The following PHF20 variants were observed in gnomAD, a reference collection of about 807,000 sequenced individuals.
The protein encoded by PHF20 is PHD finger protein 20.
A neutral mutation model predicts 113.5 loss-of-function variants in PHF20; 23 were observed. That is an observed-to-expected ratio of 0.20 (90% CI 0.15 to 0.29). PHF20 has a LOEUF of 0.29. Among genes scored for constraint, PHF20 ranks in the 10% least tolerant of loss-of-function variants. The pLI, the probability that PHF20 is intolerant of heterozygous loss-of-function variation, is 1.00. For synonymous variants in PHF20, 434 were observed against 457.3 expected (o/e 0.95, Z 0.65); for missense variants, 943 against 1,219.6 (o/e 0.77, Z 3.38).
chr20:35,800,059 G>A (rs1034710942), intron 1 of PHF20: 1 of 152,068 alleles, frequency 6.6e-6, no homozygotes, highest in Non-Finnish European at 1.5e-5. Context: ...TTACTGTTTG[G>A]TTCTGATCAT....
At chr20:35,907,544 G>T (rs1022366340) in intron 10 of PHF20, among the ~76,000 whole-genome samples, 2 of 152,200 alleles carry the variant, frequency 1.3e-5, no homozygotes, top group Non-Finnish European at 2.9e-5. Flanking sequence ...AAAGAATATT[G>T]CAAGCAAGAT....
chr20:35,863,049 C>A lies in PHF20; in HGVS notation c.457C>A (p.His153Asn). Reference protein sequence around the residue: ...VGNARPKETDHKSLSSSPDKR... With the variant: ...VGNARPKETDNKSLSSSPDKR... ...TAATGCTAGGCCTAAAGAAACAGAT[C>A]ACAAAAGTCTTTCATCATCTCCTGA... is the stretch of plus-strand genomic sequence containing the variant. The change falls in exon 6 of 18, where the codon CAC (histidine) becomes AAC (asparagine). Residue 153 changes from histidine to asparagine, a missense_variant. Physicochemically the swap from His to Asn is moderately conservative, Grantham distance 68 (BLOSUM62 1). This residue lies in a region of PHF20 where 592 missense variants were observed against 787.2 expected (regional missense o/e 0.75). Transcript: ENST00000374012. 5.0e-6 allele frequency: 8 copies of A among 1,597,452 alleles called. No homozygotes were observed. Among genetic ancestry groups the A allele is most frequent in the Non-Finnish European group, 6.8e-6 (8 of 1,175,766 alleles).
chr20:35,776,322 A>G (rs1273025558), intron 1 of PHF20, among the ~76,000 whole-genome samples: 3 of 152,154 alleles, frequency 2.0e-5, no homozygotes, highest in Non-Finnish European at 1.5e-5. Flanking sequence ...GAAATGGGCC[A>G]GGAAAAGCCA....
intron 9 of PHF20, among the ~76,000 whole-genome samples, chr20:35,891,589 T>C (rs2054862345): frequency 6.6e-6 from 1 of 152,112 alleles, no homozygotes; most frequent in Non-Finnish European, 1.5e-5. Flanking sequence ...TGAGCAAGAC[T>C]TGGTTTGCAT....
At position 35,862,872 on chromosome 20, in the gene PHF20, T is replaced by C. The variant is rs1600841948; in HGVS notation, c.421-141T>C. On this transcript the variant is annotated intron_variant, in intron 5 of 17. Transcript: ENST00000374012. Reference sequence around the variant, plus strand: ...TTCTCAACTCAGTACAGGTGGCTGTTGTCAGTGGTGCTTTGTATATGTGAT... The same window carrying C: ...TTCTCAACTCAGTACAGGTGGCTGTCGTCAGTGGTGCTTTGTATATGTGAT... The C allele has an allele frequency of 9.7e-6, 7 of 720,036 alleles. No homozygotes were observed. In the East Asian group the frequency reaches 1.8e-4, roughly 19 times the overall value. 44.6% of individuals were successfully genotyped at this position (720,036 alleles called of 1,614,324 possible). A position where few individuals can be genotyped will look rare whatever the true frequency, so the allele number is the denominator to read the frequency against.
chr20:35,933,237 T>TTC (rs1263017800), intron 15 of PHF20, among the ~76,000 whole-genome samples: 1 of 151,360 alleles, frequency 6.6e-6, no homozygotes, highest in Non-Finnish European at 1.5e-5. Flanking sequence ...GCTCATTCTT[T>TTC]TTTTTTTTTT....
chr20:35,918,875 G>T (rs557670064), intron 13 of PHF20, among the ~76,000 whole-genome samples: 1 of 152,306 alleles, frequency 6.6e-6, no homozygotes, highest in East Asian at 1.9e-4. Flanking sequence ...AGTAAAGGGG[G>T]TGGCTGCCCA....
rs778662802 is a variant in PHF20 at position 35,938,881 on chromosome 20, T to C, written c.2485T>C (p.Ser829Pro). The C allele has an allele frequency of 4.3e-6, 7 of 1,614,142 alleles. No individual in the cohort carries two copies. Among genetic ancestry groups the C allele is most frequent in the Non-Finnish European group, 5.9e-6 (7 of 1,180,008 alleles). ...PRPLALPLPRSVEESYITSEH... is the reference protein window; with the variant it reads ...PRPLALPLPRPVEESYITSEH... ...GCCCCTGGCCCTGCCCCTGCCGCGTTCTGTGGAGGAATCCTATATCACCAG... is the reference window on the plus strand; with the variant it reads ...GCCCCTGGCCCTGCCCCTGCCGCGTCCTGTGGAGGAATCCTATATCACCAG... The change falls in exon 16 of 18, where the codon TCT (serine) becomes CCT (proline). Residue 829 changes from serine to proline, a missense_variant. Physicochemically the swap from Ser to Pro is moderately conservative, Grantham distance 74. This residue lies in a region of PHF20 where 349 missense variants were observed against 412.3 expected (regional missense o/e 0.85). Coordinates refer to ENST00000374012, the MANE Select transcript of PHF20 (RefSeq NM_016436.5).
At chr20:35,891,125 C>T (rs1433308037) in intron 9 of PHF20, among the ~76,000 whole-genome samples, 4 of 152,042 alleles carry the variant, frequency 2.6e-5, no homozygotes, top group Non-Finnish European at 5.9e-5. Flanking sequence ...GCCTGTAATC[C>T]CAGCACTTTG....
At position 35,899,596 on chromosome 20, in the gene PHF20, C is replaced by G. The variant is rs1267930980; in HGVS notation, c.1509C>G (p.Asp503Glu). The part of the protein sequence containing the change: ...HVQTRGPSAS[D>E]KPSQETLTRK... ...AAACCAGGGGCCCTTCAGCTTCAGA[C>G]AAGCCCAGCCAGGAGACCCTGACCA... is the stretch of plus-strand genomic sequence containing the variant. The change falls in exon 10 of 18, where the codon GAC becomes GAG. Residue 503 changes from aspartate (D) to glutamate (E), a missense_variant. Coordinates refer to ENST00000374012, the MANE Select transcript of PHF20 (RefSeq NM_016436.5). 6.2e-7 allele frequency: 1 copy of G among 1,614,056 alleles called. No individual in the cohort carries two copies. The highest frequency in any genetic ancestry group is 1.3e-5 in the African/African-American group (1 of 74,924).
chr20:35,874,619 G>A (rs1391425419), intron 9 of PHF20, among the ~76,000 whole-genome samples: 1 of 152,038 alleles, frequency 6.6e-6, no homozygotes, highest in Admixed American at 6.6e-5. Flanking sequence ...GAGTAGCTGG[G>A]ACTACAGGCG....
At chr20:35,875,113 A>C (rs1343995260) in intron 9 of PHF20, among the ~76,000 whole-genome samples, 3 of 151,694 alleles carry the variant, frequency 2.0e-5, no homozygotes, top group African/African-American at 7.3e-5. Flanking sequence ...ATTTTAAAAA[A>C]TTGGCCAGGG....
intron 9 of PHF20, among the ~76,000 whole-genome samples, chr20:35,874,361 A>G (rs1234080724): frequency 6.6e-6 from 1 of 152,244 alleles, no homozygotes; most frequent in Non-Finnish European, 1.5e-5. Flanking sequence ...AGCGACAGTC[A>G]TATTTACACA....
Position 35,871,779 on chromosome 20 carries a change from CAG to C in PHF20, c.1234_1235del (p.Glu412ThrfsTer21). ...TCAATGGGAGAAAACACGATGAAAA[CAG>C]AACCGACTTCTCCCCTTGTGGAATT... On this transcript the variant is annotated frameshift_variant, in exon 9 of 18. Transcript: ENST00000374012. LOFTEE classifies it high-confidence loss of function. 6.2e-7 allele frequency: 1 copy of C among 1,613,284 alleles called. No individual in the cohort carries two copies. Among genetic ancestry groups the C allele is most frequent in the Non-Finnish European group, 8.5e-7 (1 of 1,179,588 alleles).
chr20:35,803,350 G>A (rs1053947295), intron 2 of PHF20, among the ~76,000 whole-genome samples: 2 of 150,260 alleles, frequency 1.3e-5, no homozygotes, highest in Non-Finnish European at 3.0e-5. Context: ...GGAGACAAGA[G>A]TCTTGCTCTT....
intron 9 of PHF20, among the ~76,000 whole-genome samples, chr20:35,898,108 C>T (rs1012308312): frequency 3.3e-5 from 5 of 152,042 alleles, no homozygotes; most frequent in Admixed American, 1.3e-4. Context: ...CTCCTGACCT[C>T]AGGTGATCCG....
intron 17 of PHF20, among the ~76,000 whole-genome samples, chr20:35,942,855 G>A (rs1462477809): frequency 1.3e-5 from 2 of 150,978 alleles, no homozygotes; most frequent in African/African-American, 2.4e-5. Context: ...ATGGAGTCTC[G>A]CTCTGTTGCC....
intron 1 of PHF20, among the ~76,000 whole-genome samples, chr20:35,796,236 C>T (rs1402322215): frequency 6.6e-6 from 1 of 152,024 alleles, no homozygotes; most frequent in African/African-American, 2.4e-5. Flanking sequence ...ATATCTTTAT[C>T]ATAGTAGTAG....
chr20:35,885,386 A>G (rs1279487343), intron 9 of PHF20, among the ~76,000 whole-genome samples: 1 of 143,128 alleles, frequency 7.0e-6, no homozygotes, highest in Non-Finnish European at 1.5e-5. Flanking sequence ...TTCAGCTGTC[A>G]TATTTCTTTT....
Sources: gnomAD v4.1 joint callset for allele counts (sites outside exome capture counted in the v4.1 genomes callset) on GRCh38, gnomAD v4.1.1 for gene constraint, gnomAD v4.1.1 regional missense constraint, MANE v1.5 for transcripts, NCBI Gene and HGNC (gene_info 2026-07-23, HGNC 2026-07-21) for gene names.